C1orf146: variants seen among roughly 807,000 people sequenced by gnomAD.
C1orf146 encodes the protein chromosome 1 open reading frame 146, also known as protein SPO16 homolog.
In C1orf146, 22 loss-of-function variants were observed where a neutral mutation model predicts 23.0. That is an observed-to-expected ratio of 0.96 (90% CI 0.68 to 1.36). C1orf146 has a LOEUF of 1.36. Ranked by LOEUF, C1orf146 falls within the 40% of genes most tolerant of loss-of-function variation. The pLI is 0.00. For missense variants in C1orf146, 199 were observed against 206.8 expected, an observed-to-expected ratio of 0.96 and a Z score of 0.23; for synonymous variants, 59 against 65.3, an observed-to-expected ratio of 0.90 and a Z score of 0.47.
intron 2 of C1orf146, among the ~76,000 whole-genome samples, chr1:92,234,256 A>T (rs1470084072): frequency 2.3e-5 from 2 of 86,646 alleles, no homozygotes; most frequent in African/African-American, 5.6e-5. Context: ...TTTGTCATAG[A>T]TAGCTGTTAT....
chr1:92,236,361 C>T (rs1652275972), intron 2 of C1orf146, among the ~76,000 whole-genome samples: 2 of 152,132 alleles, frequency 1.3e-5, no homozygotes, highest in South Asian at 4.2e-4. Context: ...TTCTCCTTCA[C>T]TTATGAAGCG....
intron 2 of C1orf146, among the ~76,000 whole-genome samples, chr1:92,231,798 A>G (rs922090202): frequency 2.0e-5 from 3 of 152,124 alleles, no homozygotes; most frequent in African/African-American, 7.2e-5. Flanking sequence ...ATATTAGTTA[A>G]GGCTTTCTGA....
At chr1:92,219,138 G>T (rs1427447943) in intron 1 of C1orf146, among the ~76,000 whole-genome samples, 2 of 152,174 alleles carry the variant, frequency 1.3e-5, no homozygotes, top group African/African-American at 4.8e-5. Context: ...AAAAGTTCTT[G>T]TAACCTTTGC....
intron 3 of C1orf146, 53 bp from the exon 4 acceptor site, chr1:92,244,164 A>G: frequency 1.5e-6 from 2 of 1,322,544 alleles, no homozygotes; most frequent in Admixed American, 2.1e-5. Context: ...GTTTATAACA[A>G]AATTTCATCT....
chr1:92,241,936 TAC>T (rs746032526), intron 2 of C1orf146, among the ~76,000 whole-genome samples: 1 of 152,222 alleles, frequency 6.6e-6, no homozygotes, highest in African/African-American at 2.4e-5. Flanking sequence ...CTCTGGTTTA[TAC>T]AGTTTTTTAA....
chr1:92,234,031 A>G lies in C1orf146; in HGVS notation c.66+2545A>G, dbSNP rs376682233. Among the ~76,000 whole-genome samples the G allele has an allele frequency of 8.5e-5, 13 of 152,336 alleles. 1 individual carries two copies. The East Asian group carries it at 1.5e-3, about 18-fold the overall frequency. On this transcript the variant is annotated intron_variant, in intron 2 of 5. Coordinates refer to ENST00000370375, the MANE Select transcript of C1orf146 (RefSeq NM_001012425.2). The stretch of plus-strand genomic sequence containing the variant: ...TTGGGCTGAGACGATGGGGTTTTCT[A>G]GATACACAATCATGTCATCTGCAAA...
chr1:92,243,135 C>G (rs2100749995), intron 3 of C1orf146, among the ~76,000 whole-genome samples: 1 of 152,232 alleles, frequency 6.6e-6, no homozygotes, highest in East Asian at 1.9e-4. Flanking sequence ...AATTTACTCC[C>G]ATGTTACAGA....
chr1:92,234,490 A>T (rs990896495), intron 2 of C1orf146, among the ~76,000 whole-genome samples: 7 of 152,116 alleles, frequency 4.6e-5, no homozygotes, highest in African/African-American at 1.2e-4. Context: ...AAGCTTTTTG[A>T]TGTGCTGCTG....
intron 1 of C1orf146, chr1:92,229,108 T>G: frequency 2.0e-6 from 1 of 509,386 alleles, no homozygotes; most frequent in Non-Finnish European, 3.9e-6. Context: ...GAGGTCAGGA[T>G]GGAGCCGCCG....
intron 2 of C1orf146, among the ~76,000 whole-genome samples, chr1:92,237,215 T>A (rs913979316): frequency 6.6e-6 from 1 of 152,292 alleles, no homozygotes; most frequent in Admixed American, 6.5e-5. Context: ...TTCTGCTCTG[T>A]TTTTTCCCCA....
intron 2 of C1orf146, among the ~76,000 whole-genome samples, chr1:92,239,222 C>G (rs555991538): frequency 7.0e-4 from 106 of 152,252 alleles, no homozygotes; most frequent in African/African-American, 2.5e-3. Context: ...ACATGGATCC[C>G]TTGTGGGCCT....
At chr1:92,236,551 T>C (rs899205655) in intron 2 of C1orf146, among the ~76,000 whole-genome samples, 3 of 152,208 alleles carry the variant, frequency 2.0e-5, no homozygotes, top group African/African-American at 7.2e-5. Context: ...ATTTTTTCCT[T>C]TATTTCAACT....
At chr1:92,218,105 TTTCTTCG>T (rs1651721013) in intron 1 of C1orf146, 57 bp downstream of exon 1, 1 of 152,308 alleles carries the variant, frequency 6.6e-6, no homozygotes, top group Non-Finnish European at 1.5e-5. Context: ...CGCGTTTTTC[TTTCTTCG>T]TTCTTCGCCG....
At chr1:92,240,337 C>G (rs2100747329) in intron 2 of C1orf146, among the ~76,000 whole-genome samples, 1 of 86,990 alleles carries the variant, frequency 1.1e-5, no homozygotes, top group East Asian at 3.1e-4. Flanking sequence ...TTTTACTATC[C>G]TGTTAGCTCT....
intron 2 of C1orf146, among the ~76,000 whole-genome samples, chr1:92,232,156 T>C (rs558515663): frequency 1.0e-3 from 158 of 152,230 alleles, no homozygotes; most frequent in African/African-American, 3.5e-3. Context: ...ATGTGCACAG[T>C]GTGCAGATTA....
intron 1 of C1orf146, among the ~76,000 whole-genome samples, chr1:92,221,668 G>A (rs1344534112): frequency 6.6e-6 from 1 of 152,184 alleles, no homozygotes; most frequent in Non-Finnish European, 1.5e-5. Flanking sequence ...ATATCAAAGT[G>A]TTTCAAAGAG....
intron 1 of C1orf146, among the ~76,000 whole-genome samples, chr1:92,224,343 C>T (rs1360002063): frequency 3.3e-5 from 5 of 152,158 alleles, no homozygotes; most frequent in East Asian, 1.9e-4. Context: ...CCACCATGCT[C>T]GGCCAGAGAG....
chr1:92,227,227 C>A (rs1306068410), intron 1 of C1orf146, among the ~76,000 whole-genome samples: 1 of 152,120 alleles, frequency 6.6e-6, no homozygotes, highest in East Asian at 1.9e-4. Context: ...CATGTGGGAT[C>A]ATTTGCCTTG....
chr1:92,243,276 C>T (rs766375849), intron 3 of C1orf146, among the ~76,000 whole-genome samples: 5 of 152,222 alleles, frequency 3.3e-5, no homozygotes, highest in Non-Finnish European at 7.3e-5. Context: ...CCCTTTAGGA[C>T]CATTCTTAAT....
Sources: gnomAD v4.1 joint callset for allele counts (sites outside exome capture counted in the v4.1 genomes callset) on GRCh38, gnomAD v4.1.1 for gene constraint, MANE v1.5 for transcripts, NCBI Gene and HGNC (gene_info 2026-07-23, HGNC 2026-07-21) for gene names.